Variants in PCDHA9 observed in about 807,000 individuals in gnomAD.
PCDHA9 encodes the protein protocadherin alpha 9.
PCDHA9 carries 62 observed loss-of-function variants against 62.0 expected under a neutral mutation model. The ratio of observed to expected loss-of-function variants is 1.00; its 90% CI spans 0.81 to 1.23. PCDHA9 has a LOEUF of 1.23. PCDHA9 is among the 50% of genes most tolerant of loss of function. The probability of loss-of-function intolerance (pLI) is 0.00; values close to 1 mark genes in which losing one functional copy is unlikely to be tolerated. For synonymous variants in PCDHA9, 557 were observed against 567.6 expected (o/e 0.98, Z 0.27); for missense variants, 1,205 against 1,249.8 (o/e 0.96, Z 0.54).
chr5:140,878,600 A>G (rs2153362487), intron 1 of PCDHA9, among the ~76,000 whole-genome samples: 1 of 152,320 alleles, frequency 6.6e-6, no homozygotes, highest in East Asian at 1.9e-4. Context: ...TACCAAGTGA[A>G]TCTTCTAATG....
intron 1 of PCDHA9, chr5:140,860,707 T>G (rs914346962): frequency 6.6e-6 from 1 of 152,220 alleles, no homozygotes; most frequent in Non-Finnish European, 1.5e-5. Context: ...ATTGTTGTTC[T>G]CCATGAAAAG....
At position 140,856,216 on chromosome 5, in the gene PCDHA9, G is replaced by A. The variant is rs782147679; in HGVS notation, c.2394+5327G>A. ...CGCAGGACCTGGGGCTGGAGCTGGC[G>A]GAGCTGGTGCAGCGCCTGTTCCGGG... On this transcript the variant is annotated intron_variant, in intron 1 of 3. Coordinates refer to ENST00000532602, the MANE Select transcript of PCDHA9 (RefSeq NM_031857.2). The A allele has an allele frequency of 8.1e-6, 13 of 1,597,922 alleles. 1 individual carries two copies. The Admixed American group carries it at 1.5e-4, about 19-fold the overall frequency.
rs533097473 is a variant in PCDHA9 at position 140,902,214 on chromosome 5, T to C, written c.2394+51325T>C. ...CTCTCTCTCTCTTTCTTTTTTTTTT[T>C]TTTTTTTGAGATGAGGACTTGCTTT... On this transcript the variant is annotated intron_variant, in intron 1 of 3. Coordinates refer to ENST00000532602, the MANE Select transcript of PCDHA9 (RefSeq NM_031857.2). Among the ~76,000 whole-genome samples the C allele has an allele frequency of 1.3e-3, 198 of 150,584 alleles. 6 individuals are homozygous for C. The South Asian group carries it at 0.04, about 30-fold the overall frequency.
At chr5:140,901,199 A>T (rs1554189641) in intron 1 of PCDHA9, among the ~76,000 whole-genome samples, 4 of 152,106 alleles carry the variant, frequency 2.6e-5, no homozygotes, top group Non-Finnish European at 5.9e-5. Context: ...TTCTGTGCAG[A>T]AGGTTTTTAA....
chr5:140,924,926 T>A (rs1554202369), intron 1 of PCDHA9, among the ~76,000 whole-genome samples: 1 of 119,426 alleles, frequency 8.4e-6, no homozygotes, highest in African/African-American at 3.1e-5. Flanking sequence ...TAAAATAAAA[T>A]AAAATAAAAT....
intron 1 of PCDHA9, chr5:140,871,160 C>G (rs1554165222): frequency 1.2e-6 from 2 of 1,613,470 alleles, no homozygotes; most frequent in South Asian, 1.1e-5. Flanking sequence ...GCGGGCGCCG[C>G]GAGCCCAGAG....
chr5:140,916,743 G>C (rs1355752854), intron 1 of PCDHA9, among the ~76,000 whole-genome samples: 1 of 152,156 alleles, frequency 6.6e-6, no homozygotes, highest in African/African-American at 2.4e-5. Context: ...AAGCTTCACT[G>C]CCTGGGATTA....
At chr5:140,997,097 T>G (rs1222829529) in intron 3 of PCDHA9, among the ~76,000 whole-genome samples, 10 of 152,156 alleles carry the variant, frequency 6.6e-5, no homozygotes, top group Admixed American at 5.2e-4. Context: ...TGCAGAGTTC[T>G]CATGCACTCC....
At chr5:140,922,993 T>A (rs2081107625) in intron 1 of PCDHA9, among the ~76,000 whole-genome samples, 1 of 152,054 alleles carries the variant, frequency 6.6e-6, no homozygotes, top group Non-Finnish European at 1.5e-5. Context: ...AGGCAAGCCA[T>A]GAGAATGGTT....
At chr5:140,997,098 C>T (rs1328956245) in intron 3 of PCDHA9, among the ~76,000 whole-genome samples, 12 of 152,128 alleles carry the variant, frequency 7.9e-5, no homozygotes, top group Admixed American at 5.2e-4. Context: ...GCAGAGTTCT[C>T]ATGCACTCCT....
rs1417392698 is a variant in PCDHA9 at position 140,999,864 on chromosome 5, T to G, written c.2543-9763T>G. Among the ~76,000 whole-genome samples, 46 of 152,148 alleles carry G rather than the reference T, an allele frequency of 3.0e-4. 1 individual carries two copies. ...TGTATTTATCTCTTCCGCTCCAAGATTACTGAAAATTAGCCCAGCTGTAGC... is the reference window on the plus strand; with the variant it reads ...TGTATTTATCTCTTCCGCTCCAAGAGTACTGAAAATTAGCCCAGCTGTAGC... On this transcript the variant is annotated intron_variant, in intron 3 of 3. Coordinates refer to ENST00000532602, the MANE Select transcript of PCDHA9 (RefSeq NM_031857.2).
chr5:140,978,103 A>T (rs2096789005), intron 1 of PCDHA9, among the ~76,000 whole-genome samples: 1 of 152,106 alleles, frequency 6.6e-6, no homozygotes, highest in South Asian at 2.1e-4. Context: ...AACTCCCCCA[A>T]CAGTCTTTAA....
At chr5:140,975,475 A>G (rs546732390) in intron 1 of PCDHA9, among the ~76,000 whole-genome samples, 5 of 152,368 alleles carry the variant, frequency 3.3e-5, no homozygotes, top group African/African-American at 1.2e-4. Flanking sequence ...TCTGCCTATC[A>G]GTTTATATCA....
rs572947059 is a variant in PCDHA9 at position 141,007,735 on chromosome 5, A to G, written c.2543-1892A>G. Reference sequence around the variant, plus strand: ...CCACCAGGGAGAACAAAGGTTAACCACTGAAGATAACTTTGGACTCTTATT... The same window carrying G: ...CCACCAGGGAGAACAAAGGTTAACCGCTGAAGATAACTTTGGACTCTTATT... On this transcript the variant is annotated intron_variant, in intron 3 of 3. Coordinates refer to ENST00000532602, the MANE Select transcript of PCDHA9 (RefSeq NM_031857.2). Among the ~76,000 whole-genome samples, 58 of 152,336 alleles carry G rather than the reference A, an allele frequency of 3.8e-4. 1 individual carries two copies. Among genetic ancestry groups the G allele is most frequent in the South Asian group, 2.9e-3 (14 of 4,824 alleles).
At chr5:140,901,666 T>C (rs539450371) in intron 1 of PCDHA9, among the ~76,000 whole-genome samples, 12 of 152,346 alleles carry the variant, frequency 7.9e-5, no homozygotes, top group African/African-American at 2.6e-4. Context: ...TTGCTCAAGA[T>C]ACCTTTAGGT....
At chr5:140,853,601 AG>A in intron 1 of PCDHA9, 1 of 987,492 alleles carries the variant, frequency 1.0e-6, no homozygotes, top group Non-Finnish European at 1.2e-6. Context: ...TTGAGAGCAA[AG>A]GGGGTGCTGT....
chr5:140,960,727 CA>C (rs2095565377), intron 1 of PCDHA9, among the ~76,000 whole-genome samples: 3 of 30,176 alleles, frequency 9.9e-5, no homozygotes, highest in Non-Finnish European at 1.9e-4. Context: ...TATTTTAGTC[CA>C]TGATTTTAGT....
intron 1 of PCDHA9, chr5:140,927,156 G>A (rs1261418178): frequency 6.2e-7 from 1 of 1,614,016 alleles, no homozygotes; most frequent in African/African-American, 1.3e-5. Flanking sequence ...AGCTGTGCAG[G>A]GCCAAAGCTG....
At chr5:140,980,684 G>GA (rs782726576) in intron 2 of PCDHA9, among the ~76,000 whole-genome samples, 3,276 of 145,132 alleles carry the variant, frequency 0.023, 40 homozygotes, top group Middle Eastern at 0.066. Flanking sequence ...TTTTCAAATT[G>GA]AAAAAAAAAA....
Sources: gnomAD v4.1 joint callset for allele counts (sites outside exome capture counted in the v4.1 genomes callset) on GRCh38, gnomAD v4.1.1 for gene constraint, MANE v1.5 for transcripts, NCBI Gene and HGNC (gene_info 2026-07-23, HGNC 2026-07-21) for gene names.